Variants in FAM184A observed in about 807,000 individuals in gnomAD.
The protein encoded by FAM184A is family with sequence similarity 184 member A, also known as protein FAM184A.
In FAM184A, 99 loss-of-function variants were observed where a neutral mutation model predicts 143.8. The observed-to-expected ratio is 0.69, with a 90% confidence interval of 0.58 to 0.81. The LOEUF is 0.81. Ranked by LOEUF, FAM184A falls within the 40% of genes least tolerant of loss-of-function variation. FAM184A has a pLI of 0.00. For missense variants in FAM184A, 1,217 were observed against 1,310.5 expected (o/e 0.93, Z 1.10); for synonymous variants, 427 against 446.4 (o/e 0.96, Z 0.55).
At chr6:119,065,901 A>C (rs1156880235) in intron 1 of FAM184A, among the ~76,000 whole-genome samples, 1 of 152,196 alleles carries the variant, frequency 6.6e-6, no homozygotes, top group Non-Finnish European at 1.5e-5. Flanking sequence ...TATTTAAGAC[A>C]CAGAAAAGCA....
chr6:118,974,847 T>C (rs1008654050), intron 13 of FAM184A, among the ~76,000 whole-genome samples, 177 bp downstream of exon 13: 7 of 152,198 alleles, frequency 4.6e-5, no homozygotes, highest in Non-Finnish European at 8.8e-5. Context: ...ATTCAAGATA[T>C]AAACATTTCA....
intron 1 of FAM184A, among the ~76,000 whole-genome samples, chr6:119,073,292 G>A (rs537940687): frequency 2.4e-4 from 37 of 152,264 alleles, no homozygotes; most frequent in Admixed American, 1.2e-3. Context: ...CCTGCTGTTT[G>A]GGAACTTACA....
At chr6:119,105,822 A>C (rs1452995558) in intron 1 of FAM184A, among the ~76,000 whole-genome samples, 1 of 152,212 alleles carries the variant, frequency 6.6e-6, no homozygotes, top group Non-Finnish European at 1.5e-5. Context: ...GCATTGCAGA[A>C]ATTTATTATA....
upstream of FAM184A, among the ~76,000 whole-genome samples, chr6:119,082,710 G>A (rs985301205): frequency 2.6e-5 from 4 of 152,324 alleles, no homozygotes; most frequent in East Asian, 3.9e-4. Context: ...GGGCAGCTCT[G>A]CTTCTGTGGC....
intron 1 of FAM184A, among the ~76,000 whole-genome samples, chr6:119,049,700 C>G (rs974456806): frequency 2.0e-5 from 3 of 152,178 alleles, no homozygotes; most frequent in African/African-American, 7.2e-5. Flanking sequence ...GGATTAAAGT[C>G]TTAAATGTAA....
chr6:119,111,196 AAGG>A (rs1461898044), intron 1 of FAM184A, among the ~76,000 whole-genome samples: 1 of 152,226 alleles, frequency 6.6e-6, no homozygotes, highest in Non-Finnish European at 1.5e-5. Flanking sequence ...CAGCCTCAAA[AAGG>A]AAGTTTTGAC....
intron 1 of FAM184A, among the ~76,000 whole-genome samples, chr6:119,145,197 G>A (rs7771134): frequency 0.051 from 7,737 of 152,154 alleles, 619 homozygotes; most frequent in African/African-American, 0.17. Flanking sequence ...TACCAACATC[G>A]AGACCCCTGT....
At chr6:119,085,723 A>G (rs946488639) in intron 1 of FAM184A, among the ~76,000 whole-genome samples, 1 of 152,198 alleles carries the variant, frequency 6.6e-6, no homozygotes, top group African/African-American at 2.4e-5. Flanking sequence ...GGTAATTTAT[A>G]AAGAAAAAAG....
intron 1 of FAM184A, among the ~76,000 whole-genome samples, chr6:119,112,406 G>A (rs2114849748): frequency 6.6e-6 from 1 of 152,296 alleles, no homozygotes; most frequent in East Asian, 1.9e-4. Context: ...GGGATTACAG[G>A]CGAGAGCCAC....
rs537432150 is a variant in FAM184A at position 119,009,439 on chromosome 6, G to C, written c.1653+1870C>G. The C allele has an allele frequency of 2.7e-4, 41 of 154,462 alleles. No homozygotes were observed. In the Middle Eastern group the frequency reaches 9.6e-3, roughly 36 times the overall value. The allele number at this position is 154,462 out of a possible 1,614,324, so 9.6% of individuals were successfully genotyped here. A position where few individuals can be genotyped will look rare whatever the true frequency, so the allele number is the denominator to read the frequency against. Reference sequence around the variant, plus strand: ...AAAAAATGGGAGTTTCTCTGCACAAGCTCTCTCTTTGCCTGCTGCCATCCA... The same window carrying C: ...AAAAAATGGGAGTTTCTCTGCACAACCTCTCTCTTTGCCTGCTGCCATCCA... On this transcript the variant is annotated intron_variant, in intron 6 of 17. Coordinates refer to ENST00000338891, the MANE Select transcript of FAM184A (RefSeq NM_024581.6).
chr6:119,098,107 T>C (rs1261346294), intron 1 of FAM184A, among the ~76,000 whole-genome samples: 3 of 152,152 alleles, frequency 2.0e-5, no homozygotes, highest in East Asian at 3.9e-4. Context: ...TGAGAGATAA[T>C]TGAATCATGG....
At chr6:118,992,567 C>T (rs1440363900) in intron 9 of FAM184A, among the ~76,000 whole-genome samples, 1 of 152,194 alleles carries the variant, frequency 6.6e-6, no homozygotes, top group Non-Finnish European at 1.5e-5. Context: ...AAGAAGCAGG[C>T]TCTCATCAGA....
Position 119,022,935 on chromosome 6 carries a change from T to C in FAM184A, c.1150+10A>G, listed in dbSNP as rs754366152. 6.2e-7 allele frequency: 1 copy of C among 1,613,950 alleles called. No homozygotes were observed. Among genetic ancestry groups the C allele is most frequent in the South Asian group, 1.1e-5 (1 of 91,050 alleles). On this transcript the variant is annotated intron_variant, in intron 3 of 17. Coordinates refer to ENST00000338891, the MANE Select transcript of FAM184A (RefSeq NM_024581.6). ...CTAAGCATTACATCAAAAACTGTGGTCACACATACTAGCTTTGAGGACAAG... is the reference window on the plus strand; with the variant it reads ...CTAAGCATTACATCAAAAACTGTGGCCACACATACTAGCTTTGAGGACAAG...
chr6:119,025,681 C>G lies in FAM184A; in HGVS notation c.160-868G>C, dbSNP rs558376338. ...GCCATCCATCATGCCACTGTGGTCACACGGTGAAATTTTCATGACTGTTAT... is the reference window on the plus strand; with the variant it reads ...GCCATCCATCATGCCACTGTGGTCAGACGGTGAAATTTTCATGACTGTTAT... On this transcript the variant is annotated intron_variant, in intron 1 of 17. Coordinates refer to ENST00000338891, the MANE Select transcript of FAM184A (RefSeq NM_024581.6). The G allele has an allele frequency of 3.4e-3, 1,694 of 500,322 alleles. 39 individuals are homozygous for G. The highest frequency in any genetic ancestry group is 0.024 in the South Asian group (1,620 of 67,388). The allele number at this position is 500,322 out of a possible 1,614,324, so 31.0% of individuals were successfully genotyped here.
chr6:119,134,658 A>C (rs1484350368), intron 1 of FAM184A, among the ~76,000 whole-genome samples: 3 of 150,628 alleles, frequency 2.0e-5, no homozygotes, highest in Non-Finnish European at 4.4e-5. Flanking sequence ...TGTCTCAAAA[A>C]AAAAAAAAAA....
chr6:119,011,189 A>T, intron 6 of FAM184A, 120 bp downstream of exon 6: 2 of 817,210 alleles, frequency 2.4e-6, no homozygotes, highest in Non-Finnish European at 1.8e-6. Context: ...AAAGTTTTTA[A>T]ATTATTTTTA....
At chr6:118,983,561 T>A (rs1562460707) in intron 9 of FAM184A, among the ~76,000 whole-genome samples, 1 of 152,166 alleles carries the variant, frequency 6.6e-6, no homozygotes, top group Non-Finnish European at 1.5e-5. Context: ...CGTTAAAATT[T>A]AAAAAATTCT....
chr6:119,037,019 C>T (rs1248870432), intron 1 of FAM184A, among the ~76,000 whole-genome samples: 1 of 152,042 alleles, frequency 6.6e-6, no homozygotes, highest in African/African-American at 2.4e-5. Context: ...TGGTGTGGCC[C>T]AATAATCCTG....
intron 1 of FAM184A, among the ~76,000 whole-genome samples, chr6:119,124,076 T>G (rs1789295446): frequency 6.6e-6 from 1 of 152,222 alleles, no homozygotes; most frequent in African/African-American, 2.4e-5. Flanking sequence ...ATTTCTCATT[T>G]TATTCTTTTT....
Sources: gnomAD v4.1 joint callset for allele counts (sites outside exome capture counted in the v4.1 genomes callset) on GRCh38, gnomAD v4.1.1 for gene constraint, MANE v1.5 for transcripts, NCBI Gene and HGNC (gene_info 2026-07-23, HGNC 2026-07-21) for gene names.